ADAMTS17: variants seen among roughly 807,000 people sequenced by gnomAD.
ADAMTS17 encodes A disintegrin and metalloproteinase with thrombospondin motifs 17.
ADAMTS17 carries 113 observed loss-of-function variants against 141.5 expected under a neutral mutation model. That is an observed-to-expected ratio of 0.80 (90% CI 0.69 to 0.93). The LOEUF is 0.93. Among genes scored for constraint, ADAMTS17 ranks in the 40% least tolerant of loss-of-function variants. The pLI is 0.00. For missense variants in ADAMTS17, 1,659 were observed against 1,517.9 expected (o/e 1.09, Z -1.54); for synonymous variants, 768 against 630.6 (o/e 1.22, Z -3.27).
rs1166625119 is a variant in ADAMTS17, at chr15:100,152,727, G to A, written c.1358C>T (p.Pro453Leu). Residue 453 changes from proline to leucine, a missense_variant, in exon 10 of 22, where the codon CCC (proline) becomes CTC (leucine). Transcript: ENST00000268070. ...GAGGCGTACTGTGTGCTGGCTTCTG[G>A]GGTCCGTGACTAGCAAGCAGGTGCT... The part of the protein sequence containing the change: ...KVSTCLLVTD[P>L]RSQHTVRLPH... 3.7e-6 allele frequency: 6 copies of A among 1,614,118 alleles called. No homozygotes were observed. The Admixed American group carries it at 8.3e-5, about 22-fold the overall frequency.
intron 20 of ADAMTS17, among the ~76,000 whole-genome samples, chr15:99,977,082 T>C (rs1012817522): frequency 6.6e-6 from 1 of 151,820 alleles, no homozygotes; most frequent in Non-Finnish European, 1.5e-5. Flanking sequence ...ATGACTGGGG[T>C]TGAATTTCCC....
At chr15:100,200,555 G>A (rs1395866861) in intron 7 of ADAMTS17, among the ~76,000 whole-genome samples, 1 of 152,178 alleles carries the variant, frequency 6.6e-6, no homozygotes, top group Non-Finnish European at 1.5e-5. Flanking sequence ...TCCCGTGGGC[G>A]TTTAACCCCG....
intron 18 of ADAMTS17, among the ~76,000 whole-genome samples, chr15:100,045,734 G>A (rs1585935): frequency 0.076 from 11,545 of 152,098 alleles, 1,429 homozygotes; most frequent in African/African-American, 0.25. Context: ...AAAAGATGGC[G>A]GGTAACTATC....
At chr15:100,260,473 G>C (rs1249268957) in intron 6 of ADAMTS17, among the ~76,000 whole-genome samples, 2 of 151,952 alleles carry the variant, frequency 1.3e-5, no homozygotes, top group African/African-American at 4.8e-5. Context: ...AATTAGCCAG[G>C]TGTGGTGGCA....
At chr15:100,136,579 C>A (rs889031030) in intron 10 of ADAMTS17, among the ~76,000 whole-genome samples, 12 of 152,194 alleles carry the variant, frequency 7.9e-5, no homozygotes, top group African/African-American at 2.9e-4. Flanking sequence ...CATGGCAGCC[C>A]TGGGAGGCAG....
At chr15:100,207,974 CTT>C (rs893778352) in intron 7 of ADAMTS17, among the ~76,000 whole-genome samples, 2 of 152,158 alleles carry the variant, frequency 1.3e-5, no homozygotes, top group Non-Finnish European at 2.9e-5. Flanking sequence ...TTAAAAGACT[CTT>C]ATAAAAGTAA....
chr15:100,133,187 T>C, intron 11 of ADAMTS17, 27 bp downstream of exon 11: 1 of 1,557,946 alleles, frequency 6.4e-7, no homozygotes, highest in Non-Finnish European at 8.7e-7. Flanking sequence ...AGCTGCCTGT[T>C]GGGGGCAGTG....
intron 8 of ADAMTS17, among the ~76,000 whole-genome samples, chr15:100,170,485 C>T (rs1596176140): frequency 6.6e-6 from 1 of 152,166 alleles, no homozygotes; most frequent in East Asian, 1.9e-4. Flanking sequence ...AAGTTTCTAC[C>T]TTTGCATAAT....
In ADAMTS17 at chr15:99,997,624, G is replaced by A. The variant is rs775650700; in HGVS notation, c.2592-35C>T. 2 of 1,611,242 alleles carry A rather than the reference G, an allele frequency of 1.2e-6. No homozygotes were observed. Among genetic ancestry groups the A allele is most frequent in the Non-Finnish European group, 1.7e-6 (2 of 1,179,508 alleles). On this transcript the variant is annotated intron_variant, in intron 18 of 21. Coordinates refer to ENST00000268070, the MANE Select transcript of ADAMTS17 (RefSeq NM_139057.4). The surrounding 1 kb of genome is among the most constrained non-coding windows in gnomAD (Gnocchi z 4.7). The stretch of plus-strand genomic sequence containing the variant: ...GGGAGGAAAGAGAGAGAGAACGACT[G>A]GGTGAGAGGCCAGCCTCTCCGGAGG...
At chr15:100,149,494 G>A (rs1477239291) in intron 10 of ADAMTS17, among the ~76,000 whole-genome samples, 1 of 151,968 alleles carries the variant, frequency 6.6e-6, no homozygotes, top group East Asian at 1.9e-4. Context: ...ATTCATCCTG[G>A]TCACCTGCTT....
intron 2 of ADAMTS17, among the ~76,000 whole-genome samples, chr15:100,334,518 G>A (rs559318252): frequency 2.6e-5 from 4 of 152,260 alleles, no homozygotes; most frequent in African/African-American, 9.6e-5. Context: ...AAGCCACCCT[G>A]TAACTGCAGA....
intron 3 of ADAMTS17, among the ~76,000 whole-genome samples, chr15:100,314,582 A>G (rs1300906863): frequency 6.6e-6 from 1 of 152,234 alleles, no homozygotes; most frequent in Admixed American, 6.5e-5. Flanking sequence ...CTTTGCTACT[A>G]CAGTATACCA....
chr15:100,232,148 T>G (rs1025067635), intron 7 of ADAMTS17, among the ~76,000 whole-genome samples: 3 of 152,048 alleles, frequency 2.0e-5, no homozygotes, highest in African/African-American at 7.2e-5. Flanking sequence ...TTGGGTTGGG[T>G]TGGGGATACC....
intron 10 of ADAMTS17, among the ~76,000 whole-genome samples, chr15:100,140,380 CAA>C (rs1363815836): frequency 6.6e-6 from 1 of 151,340 alleles, no homozygotes; most frequent in Non-Finnish European, 1.5e-5. Flanking sequence ...TGTCTTACAA[CAA>C]AAAGTTAAAA....
intron 3 of ADAMTS17, among the ~76,000 whole-genome samples, chr15:100,304,846 C>T (rs1005160168): frequency 2.1e-4 from 32 of 152,226 alleles, no homozygotes; most frequent in Non-Finnish European, 1.2e-4. Flanking sequence ...AGACCAACCT[C>T]TCCTCTCCCT....
chr15:100,332,499 G>A (rs2046085268), intron 2 of ADAMTS17, among the ~76,000 whole-genome samples: 1 of 152,226 alleles, frequency 6.6e-6, no homozygotes, highest in African/African-American at 2.4e-5. Flanking sequence ...CACTCATTTG[G>A]AAACACCCTG....
chr15:100,206,070 A>G (rs991664326), intron 7 of ADAMTS17, among the ~76,000 whole-genome samples: 38 of 152,174 alleles, frequency 2.5e-4, no homozygotes, highest in African/African-American at 8.4e-4. Flanking sequence ...CTCTCTCGGC[A>G]AACTTTCCCA....
At chr15:100,295,371 G>C (rs2044772773) in intron 3 of ADAMTS17, among the ~76,000 whole-genome samples, 1 of 152,158 alleles carries the variant, frequency 6.6e-6, no homozygotes, top group Non-Finnish European at 1.5e-5. Context: ...TCAATAGGGG[G>C]CACTAGAGGG....
chr15:100,004,530 A>C (rs929417754), intron 18 of ADAMTS17, among the ~76,000 whole-genome samples: 2 of 151,886 alleles, frequency 1.3e-5, no homozygotes, highest in African/African-American at 2.4e-5. Flanking sequence ...ATTTTTTTCC[A>C]CTAGTAAGCC....
Sources: gnomAD v4.1 joint callset for allele counts (sites outside exome capture counted in the v4.1 genomes callset) on GRCh38, gnomAD v4.1.1 for gene constraint, Gnocchi (gnomAD v3.1) non-coding constraint, MANE v1.5 for transcripts, NCBI Gene and HGNC (gene_info 2026-07-23, HGNC 2026-07-21) for gene names.